Variants in FGFR2 observed in about 807,000 individuals in gnomAD.
FGFR2 encodes fibroblast growth factor receptor 2, also known as BEK fibroblast growth factor receptor.
In FGFR2, 19 loss-of-function variants were observed where a neutral mutation model predicts 95.9. The observed-to-expected ratio is 0.20, with a 90% CI of 0.14 to 0.29. The LOEUF (loss-of-function observed/expected upper bound fraction) is 0.29. Ranked by LOEUF, FGFR2 falls within the 10% of genes least tolerant of loss-of-function variation. The pLI is 1.00. For synonymous variants in FGFR2, 392 were observed against 393.3 expected (o/e 1.00, Z 0.04); for missense variants, 707 against 1,056.9 (o/e 0.67, Z 4.59).
chr10:121,489,829 T>C (rs1327031484), intron 13 of FGFR2, among the ~76,000 whole-genome samples: 1 of 152,234 alleles, frequency 6.6e-6, no homozygotes, highest in African/African-American at 2.4e-5. Flanking sequence ...ATCTTCACTG[T>C]CTGCCCCTCC....
intron 9 of FGFR2, 56 bp downstream of exon 9, chr10:121,515,060 CA>C: frequency 6.5e-7 from 1 of 1,546,840 alleles, no homozygotes; most frequent in East Asian, 2.2e-5. Flanking sequence ...ACAAGATCCA[CA>C]AGCTGGCTGG....
Position 121,580,917 on chromosome 10 carries a change from GC to G in FGFR2, c.109+12791del, listed in dbSNP as rs35054928. ...GCTTTAGATCTCAGAAGGGCTGTGC[GC>G]CGGCTCCCACGAATGTAGGCTTTCT... On this transcript the variant is annotated intron_variant, in intron 2 of 17. Transcript: ENST00000358487. Among the ~76,000 whole-genome samples, 80,192 of 151,954 alleles carry G rather than the reference GC, an allele frequency of 0.53. 21,759 individuals are homozygous for G. Among genetic ancestry groups the G allele is most frequent in the South Asian group, 0.6 (2,901 of 4,810 alleles).
intron 2 of FGFR2, among the ~76,000 whole-genome samples, chr10:121,583,948 G>T (rs183197002): frequency 7.7e-4 from 117 of 152,150 alleles, no homozygotes; most frequent in Non-Finnish European, 1.3e-4. Flanking sequence ...TTATTAAGAT[G>T]AGAGATAATA....
chr10:121,564,397 C>T (rs566461116), intron 4 of FGFR2, 105 bp downstream of exon 4: 11 of 1,078,082 alleles, frequency 1.0e-5, no homozygotes, highest in East Asian at 4.7e-5. Context: ...GCAAGGGCCG[C>T]GGGACACAGC....
chr10:121,526,312 TAAA>T (rs902336579), intron 6 of FGFR2: 2 of 397,614 alleles, frequency 5.0e-6, no homozygotes, highest in Non-Finnish European at 8.9e-6. Flanking sequence ...TTTTGTTGCA[TAAA>T]AACGCACTAA....
At chr10:121,524,705 T>G (rs1851094294) in intron 6 of FGFR2, among the ~76,000 whole-genome samples, 1 of 152,126 alleles carries the variant, frequency 6.6e-6, no homozygotes, top group Non-Finnish European at 1.5e-5. Flanking sequence ...GATGGCAGGG[T>G]GCAGATGGTG....
intron 6 of FGFR2, chr10:121,526,017 C>T (rs1851319029): frequency 5.1e-6 from 2 of 394,694 alleles, no homozygotes; most frequent in Admixed American, 4.4e-5. Flanking sequence ...CAGTCACACA[C>T]CAAGAGACTC....
chr10:121,595,578 CAAGAGCCTCAG>C (rs1863315851), intron 1 of FGFR2, among the ~76,000 whole-genome samples: 1 of 152,214 alleles, frequency 6.6e-6, no homozygotes, highest in African/African-American at 2.4e-5. Context: ...TCCTCTTAGT[CAAGAGCCTCAG>C]AAGATAATTT....
chr10:121,555,968 GAT>G (rs376801370), intron 4 of FGFR2, among the ~76,000 whole-genome samples: 42 of 152,256 alleles, frequency 2.8e-4, no homozygotes, highest in East Asian at 1.9e-3. Flanking sequence ...CCTTCTTTGT[GAT>G]AGATGTGTGC....
chr10:121,580,917 G>A (rs947381453), intron 2 of FGFR2, among the ~76,000 whole-genome samples: 4 of 151,918 alleles, frequency 2.6e-5, no homozygotes, highest in African/African-American at 4.8e-5. Flanking sequence ...AGGGCTGTGC[G>A]CCGGCTCCCA....
At chr10:121,582,933 C>A (rs1342156301) in intron 2 of FGFR2, among the ~76,000 whole-genome samples, 1 of 152,190 alleles carries the variant, frequency 6.6e-6, no homozygotes, top group African/African-American at 2.4e-5. Flanking sequence ...AGCCTCGATT[C>A]ACCTACACAT....
At chr10:121,559,779 T>C in intron 4 of FGFR2, among the ~76,000 whole-genome samples, 1 of 152,314 alleles carries the variant, frequency 6.6e-6, no homozygotes, top group East Asian at 1.9e-4. Context: ...CTCTACCCCC[T>C]GGCCCTTCTG....
At chr10:121,498,131 A>G (rs943942655) in intron 12 of FGFR2, among the ~76,000 whole-genome samples, 1 of 152,238 alleles carries the variant, frequency 6.6e-6, no homozygotes, top group Admixed American at 6.5e-5. Flanking sequence ...TTTTAAGGGA[A>G]GAACTTCTCA....
chr10:121,524,621 G>A (rs1851078401), intron 6 of FGFR2, among the ~76,000 whole-genome samples: 1 of 152,188 alleles, frequency 6.6e-6, no homozygotes, highest in Non-Finnish European at 1.5e-5. Flanking sequence ...GAATCCCTAA[G>A]AACCTCAGAA....
chr10:121,518,279 T>C lies in FGFR2; in HGVS notation c.940-816A>G, dbSNP rs1416643678. 1.3e-5 allele frequency among the ~76,000 whole-genome samples: 2 copies of C among 152,176 alleles called. No individual in the cohort carries two copies. Among genetic ancestry groups the C allele is most frequent in the Admixed American group, 1.3e-4 (2 of 15,260 alleles). ...TTGAACAAATTGCATCTTGCCAATA[T>C]TTCCCTAAAAACTTGAAGTAGAAGG... On this transcript the variant is annotated intron_variant, in intron 7 of 17. Transcript: ENST00000358487. This position sits in a 1 kb window ranked among gnomAD's most constrained non-coding sequence, Gnocchi z 4.0.
At chr10:121,483,433 G>T (rs1195463353) in intron 17 of FGFR2, among the ~76,000 whole-genome samples, 1 of 152,144 alleles carries the variant, frequency 6.6e-6, no homozygotes, top group Non-Finnish European at 1.5e-5. Context: ...ACATACCCCG[G>T]ACTGCTCCAC....
intron 6 of FGFR2, among the ~76,000 whole-genome samples, chr10:121,524,759 C>A (rs556994414): frequency 1.3e-5 from 2 of 152,206 alleles, no homozygotes; most frequent in African/African-American, 4.8e-5. Flanking sequence ...CCTTCGTGGC[C>A]TGGCCCAGCG....
chr10:121,489,712 C>T (rs922868081), intron 13 of FGFR2, among the ~76,000 whole-genome samples: 4 of 152,270 alleles, frequency 2.6e-5, no homozygotes, highest in Non-Finnish European at 4.4e-5. Context: ...AGCTATACAC[C>T]GGTATTCTTT....
intron 12 of FGFR2, 88 bp downstream of exon 12, chr10:121,498,407 G>A: frequency 1.2e-6 from 1 of 868,218 alleles, no homozygotes; most frequent in Non-Finnish European, 2.0e-6. Context: ...GGTGCTCTGG[G>A]AGCAGGATCT....
Sources: gnomAD v4.1 joint callset for allele counts (sites outside exome capture counted in the v4.1 genomes callset) on GRCh38, gnomAD v4.1.1 for gene constraint, Gnocchi (gnomAD v3.1) non-coding constraint, MANE v1.5 for transcripts, NCBI Gene and HGNC (gene_info 2026-07-23, HGNC 2026-07-21) for gene names.